SEC14L1: variants seen among roughly 807,000 people sequenced by gnomAD.
The protein encoded by SEC14L1 is SEC14-like protein 1.
A neutral mutation model predicts 85.3 loss-of-function variants in SEC14L1; 48 were observed. That is an observed-to-expected ratio of 0.56 (90% CI 0.45 to 0.72). SEC14L1 has a LOEUF of 0.72. Among genes scored for constraint, SEC14L1 ranks in the 30% least tolerant of loss-of-function variants. The pLI, the probability that SEC14L1 is intolerant of heterozygous loss-of-function variation, is 0.00. For synonymous variants in SEC14L1, 391 were observed against 355.5 expected (o/e 1.10, Z -1.12); for missense variants, 682 against 921.4 (o/e 0.74, Z 3.36).
chr17:77,136,250 C>T (rs1217535836), upstream of SEC14L1, among the ~76,000 whole-genome samples: 1 of 149,982 alleles, frequency 6.7e-6, no homozygotes, highest in Non-Finnish European at 1.5e-5. Flanking sequence ...CTTCCTCTTT[C>T]CTTTCTTTCT....
chr17:77,171,954 A>C (rs571255178), intron 3 of SEC14L1, among the ~76,000 whole-genome samples: 1 of 152,266 alleles, frequency 6.6e-6, no homozygotes, highest in East Asian at 1.9e-4. Context: ...GTCTGGGTTT[A>C]ATTTTAGCAT....
intron 3 of SEC14L1, among the ~76,000 whole-genome samples, chr17:77,135,789 A>G (rs1196300643): frequency 6.6e-6 from 1 of 151,882 alleles, no homozygotes; most frequent in Non-Finnish European, 1.5e-5. Flanking sequence ...AATCCTTCCA[A>G]CTTGGCTTCC....
intron 3 of SEC14L1, chr17:77,093,696 G>C (rs954925685): frequency 6.6e-6 from 1 of 152,232 alleles, no homozygotes; most frequent in African/African-American, 2.4e-5. Flanking sequence ...GTCCCTCCCT[G>C]TTTGTACCTC....
At chr17:77,192,360 C>T (rs1164161191) in intron 5 of SEC14L1, among the ~76,000 whole-genome samples, 1 of 152,164 alleles carries the variant, frequency 6.6e-6, no homozygotes, top group East Asian at 1.9e-4. Context: ...TAAAGTATGT[C>T]AGATTAAGTC....
intron 3 of SEC14L1, among the ~76,000 whole-genome samples, chr17:77,190,296 C>G (rs1455269323): frequency 6.6e-6 from 1 of 152,092 alleles, no homozygotes; most frequent in Admixed American, 6.6e-5. Context: ...GGTGCAGATA[C>G]TAAAAAATAA....
intron 3 of SEC14L1, among the ~76,000 whole-genome samples, chr17:77,121,226 C>T (rs2143402002): frequency 6.6e-6 from 1 of 152,274 alleles, no homozygotes; most frequent in Admixed American, 6.5e-5. Flanking sequence ...AACATCCTGG[C>T]TACTGCCGAC....
chr17:77,166,241 C>T (rs2143659727), intron 3 of SEC14L1, among the ~76,000 whole-genome samples: 1 of 152,298 alleles, frequency 6.6e-6, no homozygotes. Flanking sequence ...ATGCTTGGCC[C>T]CCTACTTATT....
chr17:77,148,752 C>T (rs1973425244), intron 3 of SEC14L1, among the ~76,000 whole-genome samples: 2 of 152,232 alleles, frequency 1.3e-5, no homozygotes, highest in South Asian at 2.1e-4. Flanking sequence ...ATCTTTCATC[C>T]CTTAGGTCAC....
At chr17:77,125,339 A>G (rs1017854930) in intron 3 of SEC14L1, among the ~76,000 whole-genome samples, 2 of 151,686 alleles carry the variant, frequency 1.3e-5, no homozygotes, top group African/African-American at 4.8e-5. Context: ...AGAAAAAAAA[A>G]CTCTTCTTAT....
intron 3 of SEC14L1, among the ~76,000 whole-genome samples, chr17:77,179,686 T>C (rs1051718805): frequency 6.6e-6 from 1 of 152,188 alleles, no homozygotes; most frequent in Non-Finnish European, 1.5e-5. Context: ...TTTTTTTCTT[T>C]TTTTTTGAGA....
chr17:77,203,674 C>T lies in SEC14L1; in HGVS notation c.1098+16C>T, dbSNP rs577011819. On this transcript the variant is annotated intron_variant, in intron 10 of 16. Coordinates refer to ENST00000436233, the MANE Select transcript of SEC14L1 (RefSeq NM_001143998.2). ...GCTGAGATACGTAAGTGCGCGGCTG[C>T]GAGACTCCAGGTGCCACTGTGGCGT... 2.7e-4 allele frequency: 433 copies of T among 1,601,092 alleles called. 4 individuals are homozygous for T. The South Asian group carries it at 2.9e-3, about 11-fold the overall frequency.
chr17:77,163,286 C>T (rs1333173807), intron 3 of SEC14L1, among the ~76,000 whole-genome samples: 2 of 152,104 alleles, frequency 1.3e-5, no homozygotes, highest in African/African-American at 4.8e-5. Flanking sequence ...AGAGCGTCTG[C>T]CCCGGGATTA....
exon 2 of SEC14L1, chr17:77,089,205 C>A: frequency 6.0e-6 from 2 of 335,752 alleles, no homozygotes; most frequent in Non-Finnish European, 1.2e-5. Flanking sequence ...AAACATGCAG[C>A]AACCACTATT....
rs1233385918 is a variant in SEC14L1, at chr17:77,193,434, A to T, written c.359A>T (p.Asn120Ile). The change falls in exon 6 of 17, where the codon AAT becomes ATT. Residue 120 changes from asparagine (N) to isoleucine (I), a missense_variant. Physicochemically the swap from Asn to Ile is moderately radical, Grantham distance 149. Coordinates refer to ENST00000436233, the MANE Select transcript of SEC14L1 (RefSeq NM_001143998.2). ...EHCCYTVHPE[N>I]EDWTCFEQSA... is the part of the protein sequence containing the mutation. Reference sequence around the variant, plus strand: ...CTTTATCTGCAGGTTCACCCTGAAAATGAAGATTGGACCTGTTTTGAACAG... The same window carrying T: ...CTTTATCTGCAGGTTCACCCTGAAATTGAAGATTGGACCTGTTTTGAACAG... The T allele has an allele frequency of 6.2e-7, 1 of 1,602,684 alleles. No homozygotes were observed. The highest frequency in any genetic ancestry group is 8.5e-7 in the Non-Finnish European group (1 of 1,171,964).
intron 3 of SEC14L1, among the ~76,000 whole-genome samples, chr17:77,190,419 T>C (rs1016422129): frequency 1.3e-5 from 2 of 152,260 alleles, no homozygotes; most frequent in African/African-American, 2.4e-5. Context: ...ACTGTAGTTA[T>C]AGAGTAAGCC....
chr17:77,152,075 A>C lies in SEC14L1; in HGVS notation c.63+8416A>C, dbSNP rs1301056654. 2.0e-5 allele frequency among the ~76,000 whole-genome samples: 3 copies of C among 152,296 alleles called. No individual in the cohort carries two copies. In the East Asian group the frequency reaches 5.8e-4, roughly 29 times the overall value. ...ACTGCAGCCTCGAACTCCTGGGCTC[A>C]AGGAGCCCTGCCTCAGCCTGCTGAG... On this transcript the variant is annotated intron_variant, in intron 3 of 16. Coordinates refer to ENST00000436233, the MANE Select transcript of SEC14L1 (RefSeq NM_001143998.2).
At chr17:77,104,629 A>G (rs1388901888) in intron 3 of SEC14L1, among the ~76,000 whole-genome samples, 1 of 150,094 alleles carries the variant, frequency 6.7e-6, no homozygotes, top group Non-Finnish European at 1.5e-5. Context: ...CATCTCTACT[A>G]AAAATACAAA....
At chr17:77,196,010 G>GT (rs1892418997) in intron 7 of SEC14L1, among the ~76,000 whole-genome samples, 192 bp from the exon 8 acceptor site, 1 of 152,126 alleles carries the variant, frequency 6.6e-6, no homozygotes, top group African/African-American at 2.4e-5. Flanking sequence ...TGTACCTGTG[G>GT]TTTAGTCAGT....
intron 3 of SEC14L1, among the ~76,000 whole-genome samples, chr17:77,181,452 G>T (rs1342695036): frequency 6.6e-6 from 1 of 152,172 alleles, no homozygotes; most frequent in African/African-American, 2.4e-5. Flanking sequence ...CGCTCTTGTT[G>T]TGCAGGCTGG....
Sources: gnomAD v4.1 joint callset for allele counts (sites outside exome capture counted in the v4.1 genomes callset) on GRCh38, gnomAD v4.1.1 for gene constraint, MANE v1.5 for transcripts, NCBI Gene and HGNC (gene_info 2026-07-23, HGNC 2026-07-21) for gene names.